The following PRR12 variants were observed in gnomAD, a reference collection of about 807,000 sequenced individuals.
PRR12 encodes the protein proline-rich protein 12.
PRR12 carries 12 observed loss-of-function variants against 138.0 expected under a neutral mutation model. That is an observed-to-expected ratio of 0.09 (90% confidence interval 0.06 to 0.14). The LOEUF is 0.14. Among genes scored for constraint, PRR12 ranks in the 10% least tolerant of loss-of-function variants. The pLI, the probability that PRR12 is intolerant of heterozygous loss-of-function variation, is 1.00. For missense variants in PRR12, 2,692 were observed against 2,861.3 expected (o/e 0.94, Z 1.35); for synonymous variants, 1,567 against 1,291.7 (o/e 1.21, Z -4.57).
In PRR12 at chr19:49,616,748, C is replaced by G. The variant is rs987603898; in HGVS notation, c.5497+529C>G. 6.6e-6 allele frequency among the ~76,000 whole-genome samples: 1 copy of G among 152,142 alleles called. No individual in the cohort carries two copies. ...TAAAATGGGTTCATAATAGACGAAG[C>G]TCATAGGAGAGTGCCAATCTTTAGT... On this transcript the variant is annotated intron_variant, in intron 9 of 13. Coordinates refer to ENST00000418929, the MANE Select transcript of PRR12 (RefSeq NM_020719.3). The surrounding 1 kb of genome is among the most constrained non-coding windows in gnomAD (Gnocchi z 4.2).
Position 49,596,756 on chromosome 19 carries a change from C to T in PRR12, c.2421C>T (p.Ser807=). ...PPPQLLPSVL[S]HAPSPSPSAS... is the part of the protein sequence containing the mutation. ...CCCAGCTGCTCCCCTCGGTCCTCAG[C>T]CATGCCCCCAGTCCCTCTCCCAGCG... is the stretch of plus-strand genomic sequence containing the variant. Residue 807 remains serine, a synonymous_variant, in exon 4 of 14, where the codon AGC becomes AGT. Transcript: ENST00000418929. This position sits in a 1 kb window ranked among gnomAD's most constrained non-coding sequence, Gnocchi z 5.6. The T allele has an allele frequency of 6.2e-7, 1 of 1,604,186 alleles. No homozygotes were observed. The highest frequency in any genetic ancestry group is 1.3e-5 in the African/African-American group (1 of 74,858).
In PRR12 at chr19:49,626,019, C is replaced by G. The variant is rs1282899977; in HGVS notation, c.*412C>G. On this transcript the variant is annotated 3_prime_UTR_variant, in exon 14 of 14. Transcript: ENST00000418929. ...GCTGGGGGACCCCTTCCCCCCAAGT[C>G]CCCCCTGCAGGCCAAGATCTTTGCT... The G allele has an allele frequency of 6.4e-6, 1 of 155,494 alleles. No homozygotes were observed. Among genetic ancestry groups the G allele is most frequent in the East Asian group, 1.9e-4 (1 of 5,282 alleles). 9.6% of individuals were successfully genotyped at this position (155,494 alleles called of 1,614,324 possible).
At position 49,615,046 on chromosome 19, in the gene PRR12, T is replaced by C. The variant is rs761940523; in HGVS notation, c.5024+37T>C. ...GGGGGACACAGGGGCAGGTAGTATGTAGCGCCGACAGGCATGGGGATGCGG... is the reference window on the plus strand; with the variant it reads ...GGGGGACACAGGGGCAGGTAGTATGCAGCGCCGACAGGCATGGGGATGCGG... On this transcript the variant is annotated intron_variant, in intron 8 of 13. Coordinates refer to ENST00000418929, the MANE Select transcript of PRR12 (RefSeq NM_020719.3). 3.7e-6 allele frequency: 6 copies of C among 1,611,474 alleles called. No homozygotes were observed. The Admixed American group carries it at 1.0e-4, about 27-fold the overall frequency.
Position 49,597,215 on chromosome 19 carries a change from C to T in PRR12, c.2880C>T (p.Asp960=), listed in dbSNP as rs541064933. The change falls in exon 4 of 14, where the codon GAC becomes GAT. Residue 960 remains aspartate (D), a synonymous_variant. Transcript: ENST00000418929. This position sits in a 1 kb window ranked among gnomAD's most constrained non-coding sequence, Gnocchi z 6.3. Reference sequence around the variant, plus strand: ...AGATGTTCGGTGGAGGGGCCGCGGACGACTACGGCAAGGCCGGGCCACCTG... The same window carrying T: ...AGATGTTCGGTGGAGGGGCCGCGGATGACTACGGCAAGGCCGGGCCACCTG... ...MEEMFGGGAA[D]DYGKAGPPED... 2.0e-4 allele frequency: 321 copies of T among 1,567,124 alleles called. 6 individuals carry two copies. The Admixed American group carries it at 5.7e-3, about 28-fold the overall frequency.
intron 1 of PRR12, among the ~76,000 whole-genome samples, chr19:49,593,003 G>T (rs959947880): frequency 3.2e-4 from 49 of 152,124 alleles, no homozygotes; most frequent in Non-Finnish European, 6.8e-4. Flanking sequence ...ACGGGGGAGG[G>T]CTCTCATTTG....
chr19:49,616,365 A>T lies in PRR12; in HGVS notation c.5497+146A>T. 4.4e-6 allele frequency: 3 copies of T among 675,316 alleles called. No homozygotes were observed. Among genetic ancestry groups the T allele is most frequent in the Non-Finnish European group, 6.8e-6 (3 of 439,818 alleles). The allele number at this position is 675,316 out of a possible 1,614,324, so 41.8% of individuals were successfully genotyped here. A position where few individuals can be genotyped will look rare whatever the true frequency, so the allele number is the denominator to read the frequency against. On this transcript the variant is annotated intron_variant, in intron 9 of 13. Transcript: ENST00000418929. The surrounding 1 kb of genome is among the most constrained non-coding windows in gnomAD (Gnocchi z 4.2). Reference sequence around the variant, plus strand: ...TGGCAGTAGCTCACAGTCACGGGGCATCTCACTACACGACAGGCTGCCTCC... The same window carrying T: ...TGGCAGTAGCTCACAGTCACGGGGCTTCTCACTACACGACAGGCTGCCTCC...
Position 49,595,221 on chromosome 19 carries a change from G to C in PRR12, c.886G>C (p.Ala296Pro). ...GGTCATCAAGCACTACCAGCGGCCA[G>C]CCAGTGCCCAGCCCCCACCACCCCC... Reference protein sequence around the residue: ...DTVIKHYQRPASAQPPPPPPP... With the variant: ...DTVIKHYQRPPSAQPPPPPPP... Residue 296 changes from alanine (A) to proline (P), a missense_variant, in exon 4 of 14, where the codon GCC becomes CCC. Transcript: ENST00000418929. The C allele has an allele frequency of 6.4e-7, 1 of 1,565,732 alleles. No homozygotes were observed. Among genetic ancestry groups the C allele is most frequent in the African/African-American group, 1.4e-5 (1 of 73,654 alleles).
Position 49,614,647 on chromosome 19 carries a change from A to G in PRR12, c.4888A>G (p.Asn1630Asp). 6.4e-7 allele frequency: 1 copy of G among 1,557,760 alleles called. No homozygotes were observed. Among genetic ancestry groups the G allele is most frequent in the East Asian group, 2.4e-5 (1 of 41,414 alleles). Residue 1630 changes from asparagine (N) to aspartate (D), a missense_variant and splice_region_variant, in exon 7 of 14, where the codon AAT becomes GAT. Physicochemically the swap from Asn to Asp is conservative, Grantham distance 23. Around this residue, in one of 11 missense-constraint regions of PRR12, gnomAD observed 92 missense variants for 174.1 expected, o/e 0.53. Transcript: ENST00000418929. The surrounding 1 kb of genome is among the most constrained non-coding windows in gnomAD (Gnocchi z 5.0). ...CCAGAGGCAGTTTTGTGCCACCAGT[A>G]ATGTAAGCCTGCAAAGGGGACCAAG... ...DGQRQFCATS[N>D]YLGYFGDAKN...
rs770775375 is a variant in PRR12, at chr19:49,596,766, A to G, written c.2431A>G (p.Ser811Gly). ...LLPSVLSHAP[S>G]PSPSASKVGV... Reference sequence around the variant, plus strand: ...CCCCTCGGTCCTCAGCCATGCCCCCAGTCCCTCTCCCAGCGCCTCCAAAGT... The same window carrying G: ...CCCCTCGGTCCTCAGCCATGCCCCCGGTCCCTCTCCCAGCGCCTCCAAAGT... The change falls in exon 4 of 14, where the codon AGT becomes GGT. Residue 811 changes from serine to glycine, a missense_variant. Around this residue, in one of 11 missense-constraint regions of PRR12, gnomAD observed 840 missense variants for 689.8 expected, o/e 1.22. Coordinates refer to ENST00000418929, the MANE Select transcript of PRR12 (RefSeq NM_020719.3). The surrounding 1 kb of genome is among the most constrained non-coding windows in gnomAD (Gnocchi z 5.6). 8.8e-6 allele frequency: 14 copies of G among 1,581,926 alleles called. No homozygotes were observed. The highest frequency in any genetic ancestry group is 6.8e-6 in the Non-Finnish European group (8 of 1,170,950).
chr19:49,595,430 T>C lies in PRR12; in HGVS notation c.1095T>C (p.Pro365=). Reference sequence around the variant, plus strand: ...GGGCATCTGGCCGGGCCACGGGCCCTGAGGCAGCAGGGGGCGGTGGGGCTG... The same window carrying C: ...GGGCATCTGGCCGGGCCACGGGCCCCGAGGCAGCAGGGGGCGGTGGGGCTG... ...TAGASGRATG[P]EAAGGGGAGG... is the part of the protein sequence containing the mutation. The change falls in exon 4 of 14, where the codon CCT becomes CCC. Residue 365 remains proline, a synonymous_variant. Transcript: ENST00000418929. 1.9e-6 allele frequency: 3 copies of C among 1,546,818 alleles called. No homozygotes were observed. In the South Asian group the frequency reaches 3.6e-5, roughly 18 times the overall value.
Position 49,625,008 on chromosome 19 carries a change from G to A in PRR12, c.5868+18G>A, listed in dbSNP as rs755645200. 2 of 1,606,934 alleles carry A rather than the reference G, an allele frequency of 1.2e-6. No homozygotes were observed. Among genetic ancestry groups the A allele is most frequent in the South Asian group, 2.2e-5 (2 of 90,154 alleles). ...GAGCCCAGGTGGGCACTGGGGCTGG[G>A]GCTGGGAGTGGGGAGTGCTGGCGGT... is the stretch of plus-strand genomic sequence containing the variant. On this transcript the variant is annotated intron_variant, in intron 12 of 13. Transcript: ENST00000418929. The surrounding 1 kb of genome is among the most constrained non-coding windows in gnomAD (Gnocchi z 5.5).
intron 5 of PRR12, among the ~76,000 whole-genome samples, 157 bp from the exon 6 acceptor site, chr19:49,601,333 AG>A (rs1185782279): frequency 1.3e-5 from 2 of 152,146 alleles, no homozygotes; most frequent in Non-Finnish European, 2.9e-5. Flanking sequence ...GAGCCAGAGT[AG>A]GTCTCTGGAG....
Position 49,615,839 on chromosome 19 carries a change from C to T in PRR12, c.5117C>T (p.Pro1706Leu). The T allele has an allele frequency of 6.2e-7, 1 of 1,610,720 alleles. No homozygotes were observed. Among genetic ancestry groups the T allele is most frequent in the Non-Finnish European group, 8.5e-7 (1 of 1,178,588 alleles). The change falls in exon 9 of 14, where the codon CCT (proline) becomes CTT (leucine). Residue 1706 changes from proline to leucine, a missense_variant. Pro to Leu is a moderately conservative substitution (Grantham distance 98). Coordinates refer to ENST00000418929, the MANE Select transcript of PRR12 (RefSeq NM_020719.3). ...APAPPPKPET[P>L]EKTTSEKPPE... The stretch of plus-strand genomic sequence containing the variant: ...GCACCACCTCCCAAGCCTGAGACCC[C>T]TGAAAAGACGACATCTGAGAAGCCC...
chr19:49,625,873 G>A lies in PRR12; in HGVS notation c.*266G>A. The stretch of plus-strand genomic sequence containing the variant: ...ATGTATAAATGTCTATTTAGTAACG[G>A]TTTCCCTCTCCCCTTGCCCCGACCC... On this transcript the variant is annotated 3_prime_UTR_variant, in exon 14 of 14. Coordinates refer to ENST00000418929, the MANE Select transcript of PRR12 (RefSeq NM_020719.3). This position sits in a 1 kb window ranked among gnomAD's most constrained non-coding sequence, Gnocchi z 5.5. The A allele has an allele frequency of 3.3e-6, 1 of 302,054 alleles. No homozygotes were observed. Among genetic ancestry groups the A allele is most frequent in the Admixed American group, 5.1e-5 (1 of 19,768 alleles). 18.7% of individuals were successfully genotyped at this position (302,054 alleles called of 1,614,324 possible).
intron 11 of PRR12, among the ~76,000 whole-genome samples, chr19:49,623,815 T>C (rs185869847): frequency 0.012 from 1,607 of 131,638 alleles, 18 homozygotes; most frequent in Middle Eastern, 0.039. Flanking sequence ...AGGATGGGGC[T>C]GGGAATTCTG....
chr19:49,604,527 A>G (rs1187322818), intron 6 of PRR12, among the ~76,000 whole-genome samples: 1 of 151,918 alleles, frequency 6.6e-6, no homozygotes, highest in African/African-American at 2.4e-5. Flanking sequence ...AAAATACAAC[A>G]ATTAGCCGGG....
intron 6 of PRR12, among the ~76,000 whole-genome samples, chr19:49,611,900 G>A (rs560282278): frequency 8.8e-6 from 1 of 113,358 alleles, no homozygotes; most frequent in East Asian, 2.5e-4. Flanking sequence ...TCCAGCCTGG[G>A]CGACAGAGCG....
Position 49,595,207 on chromosome 19 carries a change from A to G in PRR12, c.872A>G (p.His291Arg). The change falls in exon 4 of 14, where the codon CAC (histidine) becomes CGC (arginine). Residue 291 changes from histidine (H) to arginine (R), a missense_variant. His to Arg is a conservative substitution (Grantham distance 29). Around this residue, in one of 11 missense-constraint regions of PRR12, gnomAD observed 523 missense variants for 496.4 expected, o/e 1.05. Transcript: ENST00000418929. ...CCACGCCAGGACACGGTCATCAAGCACTACCAGCGGCCAGCCAGTGCCCAG... is the reference window on the plus strand; with the variant it reads ...CCACGCCAGGACACGGTCATCAAGCGCTACCAGCGGCCAGCCAGTGCCCAG... ...ALPRQDTVIKHYQRPASAQPP... is the reference protein window; with the variant it reads ...ALPRQDTVIKRYQRPASAQPP... 6.3e-7 allele frequency: 1 copy of G among 1,587,876 alleles called. No homozygotes were observed. The highest frequency in any genetic ancestry group is 8.5e-7 in the Non-Finnish European group (1 of 1,169,758).
In PRR12 at chr19:49,597,568, T is replaced by C; in HGVS notation, c.3233T>C (p.Phe1078Ser). ...AAGAAGCTGCTCAAGACATCCTCCTTCCACCTGCTGCGGCGCCGCGACCCA... is the reference window on the plus strand; with the variant it reads ...AAGAAGCTGCTCAAGACATCCTCCTCCCACCTGCTGCGGCGCCGCGACCCA... The part of the protein sequence containing the change: ...KPKKLLKTSS[F>S]HLLRRRDPPF... The change falls in exon 4 of 14, where the codon TTC (phenylalanine) becomes TCC (serine). Residue 1078 changes from phenylalanine to serine, a missense_variant. This residue lies in a region of PRR12 where 840 missense variants were observed against 689.8 expected (regional missense o/e 1.22). Transcript: ENST00000418929. The surrounding 1 kb of genome is among the most constrained non-coding windows in gnomAD (Gnocchi z 6.3). The C allele has an allele frequency of 6.3e-7, 1 of 1,598,878 alleles. No homozygotes were observed. The highest frequency in any genetic ancestry group is 8.5e-7 in the Non-Finnish European group (1 of 1,174,416).
Sources: allele counts gnomAD v4.1 joint callset (sites outside exome capture counted in the v4.1 genomes callset), GRCh38; gene constraint gnomAD v4.1.1; regional missense constraint gnomAD v4.1.1; non-coding constraint Gnocchi (gnomAD v3.1); transcripts MANE v1.5; gene names NCBI Gene and HGNC (gene_info 2026-07-23, HGNC 2026-07-21).